Variants in IQSEC2 observed in about 807,000 individuals in gnomAD.
IQSEC2 encodes IQ motif and SEC7 domain-containing protein 2.
Under a neutral mutation model 74.6 loss-of-function variants are expected in IQSEC2, and 6 were observed. That is an observed-to-expected ratio of 0.08 (90% confidence interval 0.04 to 0.16). IQSEC2 has a LOEUF of 0.16. IQSEC2 is among the 10% of genes least tolerant of loss of function. The pLI, the probability that IQSEC2 is intolerant of heterozygous loss-of-function variation, is 1.00. For missense variants in IQSEC2, 734 were observed against 1,306.2 expected (o/e 0.56, Z 6.75); for synonymous variants, 494 against 544.5 (o/e 0.91, Z 1.29).
At chrX:53,293,221 T>C (rs2075119417) in intron 1 of IQSEC2, among the ~76,000 whole-genome samples, 1 of 112,200 alleles carries the variant, frequency 8.9e-6, no homozygotes, top group Non-Finnish European at 1.9e-5. Flanking sequence ...GTTCCACTAT[T>C]CACAAGCCAT....
At chrX:53,318,921 G>A (rs2075403159) in intron 1 of IQSEC2, among the ~76,000 whole-genome samples, 1 of 112,825 alleles carries the variant, frequency 8.9e-6, no homozygotes, top group Non-Finnish European at 1.9e-5. Context: ...GCACACAGTC[G>A]GTCCTCCCGG....
Position 53,248,212 on chromosome X carries a change from G to C in IQSEC2, c.2484C>G (p.Phe828Leu). The change falls in exon 7 of 15, where the codon TTC (phenylalanine) becomes TTG (leucine). Residue 828 changes from phenylalanine (F) to leucine (L), a missense_variant. Physicochemically the swap from Phe to Leu is conservative, Grantham distance 22. Coordinates refer to ENST00000642864, the MANE Select transcript of IQSEC2 (RefSeq NM_001111125.3). ...GCGCATCATCCAGATCCATGGAGGA[G>C]AAGTCCATCTCATCCACCACACAGC... ...VLDCVVDEMDFSSMDLDDALR... is the reference protein window; with the variant it reads ...VLDCVVDEMDLSSMDLDDALR... 1 of 1,209,996 alleles carries C rather than the reference G, an allele frequency of 8.3e-7. No individual in the cohort carries two copies. Among genetic ancestry groups the C allele is most frequent in the Non-Finnish European group, 1.1e-6 (1 of 894,675 alleles).
intron 2 of IQSEC2, among the ~76,000 whole-genome samples, chrX:53,287,779 G>A (rs2075047733): frequency 1.8e-5 from 2 of 112,544 alleles, no homozygotes; most frequent in African/African-American, 3.2e-5. Context: ...GCCAGCTTAG[G>A]GGTCACCCAC....
At chrX:53,279,721 G>A in intron 2 of IQSEC2, 1 of 712,952 alleles carries the variant, frequency 1.4e-6, no homozygotes, top group Non-Finnish European at 2.2e-6. Context: ...GGAAGTGGCA[G>A]GGTGGGCGAT....
rs1363964764 is a variant in IQSEC2, at chrX:53,234,316, G to A, written c.4370C>T (p.Pro1457Leu). 3.2e-6 allele frequency: 2 copies of A among 620,807 alleles called. No individual in the cohort carries two copies. The highest frequency in any genetic ancestry group is 4.5e-6 in the Non-Finnish European group (2 of 441,378). The allele number at this position is 620,807 out of a possible 1,213,427, so 51.2% of individuals were successfully genotyped here. The change falls in exon 15 of 15, where the codon CCC becomes CTC. Residue 1457 changes from proline (P) to leucine (L), a missense_variant. Transcript: ENST00000642864. ...CCCAGAGGCGTGCAGCGGGCCATGGGGGGAGGTGGGTGGAAGGGGTGAGTG... is the reference window on the plus strand; with the variant it reads ...CCCAGAGGCGTGCAGCGGGCCATGGAGGGAGGTGGGTGGAAGGGGTGAGTG... ...TPHSPLPPTS[P>L]HGPLHASGPP...
intron 2 of IQSEC2, among the ~76,000 whole-genome samples, chrX:53,277,970 C>A (rs1234847027): frequency 9.5e-6 from 1 of 105,783 alleles, no homozygotes; most frequent in African/African-American, 3.5e-5. Context: ...TGTGTCCAAC[C>A]AATATTTTCT....
At chrX:53,252,374 T>TAA (rs56333530) in intron 4 of IQSEC2, among the ~76,000 whole-genome samples, 2 of 98,338 alleles carry the variant, frequency 2.0e-5, no homozygotes, top group African/African-American at 7.6e-5. Context: ...AAAAATTTAT[T>TAA]AAAAAAAAAA....
chrX:53,263,737 G>A (rs2074607665), intron 2 of IQSEC2, among the ~76,000 whole-genome samples: 1 of 111,470 alleles, frequency 9.0e-6, no homozygotes, highest in Non-Finnish European at 1.9e-5. Context: ...GCCGCTCACG[G>A]AACATGACAG....
Position 53,247,034 on chromosome X carries a change from A to G in IQSEC2, c.2684T>C (p.Met895Thr), listed in dbSNP as rs2147080510. The change falls in exon 8 of 15, where the codon ATG (methionine) becomes ACG (threonine). Residue 895 changes from methionine (M) to threonine (T), a missense_variant. By Grantham distance (81) the Met-to-Thr change is moderately conservative (BLOSUM62 -1). Coordinates refer to ENST00000642864, the MANE Select transcript of IQSEC2 (RefSeq NM_001111125.3). Reference protein sequence around the residue: ...AFAIILLNTDMYSPSVKAERK... With the variant: ...AFAIILLNTDTYSPSVKAERK... ...TTCAGCTTTGACGCTGGGACTGTAC[A>G]TGTCGGTATTGAGGAGGATGATGGC... The G allele has an allele frequency of 8.3e-7, 1 of 1,210,327 alleles. No homozygotes were observed. Among genetic ancestry groups the G allele is most frequent in the Non-Finnish European group, 1.1e-6 (1 of 894,504 alleles).
rs191862735 is a variant in IQSEC2, at chrX:53,278,916, A to G, written c.737+12979T>C. On this transcript the variant is annotated intron_variant, in intron 2 of 14. Transcript: ENST00000642864. Reference sequence around the variant, plus strand: ...TTTCCAGCCGGGTGTGGTGGCTCACACCTGTAATCCCAACACTTTGGGAGG... The same window carrying G: ...TTTCCAGCCGGGTGTGGTGGCTCACGCCTGTAATCCCAACACTTTGGGAGG... Among the ~76,000 whole-genome samples, 1,055 of 112,358 alleles carry G rather than the reference A, an allele frequency of 9.4e-3. 9 individuals are homozygous for G. Among genetic ancestry groups the G allele is most frequent in the Non-Finnish European group, 0.015 (811 of 53,238 alleles).
In IQSEC2 at chrX:53,255,782, C is replaced by T; in HGVS notation, c.999+18G>A. The T allele has an allele frequency of 1.7e-6, 2 of 1,211,610 alleles. No individual in the cohort carries two copies. The highest frequency in any genetic ancestry group is 2.2e-6 in the Non-Finnish European group (2 of 895,241). ...TTGCATCCCGACTCCCATTCCCAAC[C>T]AGATGCCTCTGTTGCACCTTCTTGT... On this transcript the variant is annotated intron_variant, in intron 3 of 14. Transcript: ENST00000642864.
chrX:53,247,027 A>G lies in IQSEC2; in HGVS notation c.2691T>C (p.Ser897=). ...AIILLNTDMY[S]PSVKAERKMK... is the part of the protein sequence containing the mutation. Reference sequence around the variant, plus strand: ...TCTTTCGTTCAGCTTTGACGCTGGGACTGTACATGTCGGTATTGAGGAGGA... The same window carrying G: ...TCTTTCGTTCAGCTTTGACGCTGGGGCTGTACATGTCGGTATTGAGGAGGA... Residue 897 remains serine, a synonymous_variant, in exon 8 of 15, where the codon AGT becomes AGC. Transcript: ENST00000642864. The G allele has an allele frequency of 8.3e-7, 1 of 1,210,372 alleles. No homozygotes were observed. Among genetic ancestry groups the G allele is most frequent in the Non-Finnish European group, 1.1e-6 (1 of 894,516 alleles).
In IQSEC2 at chrX:53,320,902, C is replaced by G. The variant is rs781805662; in HGVS notation, c.222G>C (p.Arg74=). Residue 74 remains arginine, a synonymous_variant, in exon 1 of 15, where the codon CGG becomes CGC. Coordinates refer to ENST00000642864, the MANE Select transcript of IQSEC2 (RefSeq NM_001111125.3). ...ESQLHRGELH[R]DPHGARDSPG... ...GGCTATCCCGCGCGCCGTGGGGGTC[C>G]CGGTGCAGCTCCCCGCGGTGCAGCT... The G allele has an allele frequency of 4.0e-5, 46 of 1,162,275 alleles. No individual in the cohort carries two copies. The African/African-American group carries it at 8.1e-4, about 21-fold the overall frequency.
chrX:53,257,766 C>A (rs2074499726), intron 2 of IQSEC2, among the ~76,000 whole-genome samples: 1 of 112,137 alleles, frequency 8.9e-6, no homozygotes, highest in Admixed American at 9.4e-5. Flanking sequence ...ATTTAGGTAC[C>A]ATTCTTACCA....
chrX:53,268,265 C>T (rs1475927605), intron 2 of IQSEC2, among the ~76,000 whole-genome samples: 4 of 111,110 alleles, frequency 3.6e-5, no homozygotes, highest in African/African-American at 1.3e-4. Flanking sequence ...TGGGAAGGAA[C>T]GCAGACAGGG....
chrX:53,239,167 A>G (rs369825582), intron 11 of IQSEC2, 28 bp downstream of exon 11: 6 of 1,073,340 alleles, frequency 5.6e-6, no homozygotes, highest in Middle Eastern at 2.5e-4. Context: ...ATAGACTCTC[A>G]GGAGCTGGGA....
rs1556863038 is a variant in IQSEC2, at chrX:53,250,449, G to A, written c.2127C>T (p.Ile709=). The change falls in exon 5 of 15, where the codon ATC becomes ATT. Residue 709 remains isoleucine (I), a synonymous_variant. Coordinates refer to ENST00000642864, the MANE Select transcript of IQSEC2 (RefSeq NM_001111125.3). ...LESSSNSNET[I]NCSSGSSSRD... is the part of the protein sequence containing the mutation. ...GAGAAGAGGAGCCGGAGCTGCAGTT[G>A]ATGGTCTCATTGGAATTGCTGGAGC... 3.3e-6 allele frequency: 4 copies of A among 1,211,770 alleles called. No homozygotes were observed. Among genetic ancestry groups the A allele is most frequent in the Non-Finnish European group, 4.5e-6 (4 of 895,383 alleles).
At chrX:53,267,153 C>T in intron 2 of IQSEC2, 2 of 1,071,488 alleles carry the variant, frequency 1.9e-6, no homozygotes, top group South Asian at 2.5e-5. Flanking sequence ...GGGAGATACG[C>T]GAAGGGCCAG....
intron 1 of IQSEC2, among the ~76,000 whole-genome samples, chrX:53,293,389 A>G (rs1205337696): frequency 8.9e-6 from 1 of 112,201 alleles, no homozygotes; most frequent in Admixed American, 9.4e-5. Flanking sequence ...CATGCTCAGC[A>G]GATGCCAGTA....
Sources: gnomAD v4.1 joint callset for allele counts (sites outside exome capture counted in the v4.1 genomes callset) on GRCh38, gnomAD v4.1.1 for gene constraint, MANE v1.5 for transcripts, NCBI Gene and HGNC (gene_info 2026-07-23, HGNC 2026-07-21) for gene names.